Variants in AGBL2 observed in about 807,000 individuals in gnomAD.
AGBL2 encodes the protein AGBL carboxypeptidase 2, also known as cytosolic carboxypeptidase 2.
A neutral mutation model predicts 103.0 loss-of-function variants in AGBL2; 87 were observed. That is an observed-to-expected ratio of 0.84 (90% CI 0.71 to 1.01). The LOEUF is 1.01. Ranked by LOEUF, AGBL2 falls within the 50% of genes least tolerant of loss-of-function variation. AGBL2 has a pLI of 0.00. For missense variants in AGBL2, 904 were observed against 1,023.5 expected (o/e 0.88, Z 1.59); for synonymous variants, 335 against 356.7 (o/e 0.94, Z 0.69).
intron 14 of AGBL2, 125 bp from the exon 15 acceptor site, chr11:47,669,032 T>C (rs189193718): frequency 9.2e-6 from 6 of 652,066 alleles, no homozygotes; most frequent in African/African-American, 7.3e-5. Context: ...ATTTCTCTCA[T>C]TGTCTATGCT....
chr11:47,697,121 G>A (rs1428713287), intron 8 of AGBL2, among the ~76,000 whole-genome samples: 1 of 151,986 alleles, frequency 6.6e-6, no homozygotes, highest in Non-Finnish European at 1.5e-5. Flanking sequence ...TAGAAACAGG[G>A]TTTCACCATG....
intron 12 of AGBL2, among the ~76,000 whole-genome samples, chr11:47,681,056 A>G (rs2097399399): frequency 6.6e-6 from 1 of 152,068 alleles, no homozygotes; most frequent in East Asian, 1.9e-4. Context: ...GAGGCTGGGC[A>G]TGGTGGTTCA....
intron 10 of AGBL2, among the ~76,000 whole-genome samples, chr11:47,689,633 A>G (rs1394701737): frequency 6.6e-6 from 1 of 152,090 alleles, no homozygotes; most frequent in Non-Finnish European, 1.5e-5. Flanking sequence ...ATCATACAAC[A>G]TGCGATATTG....
In AGBL2 at chr11:47,660,045, G is replaced by T; in HGVS notation, c.*128C>A. 1.0e-6 allele frequency: 1 copy of T among 993,624 alleles called. No individual in the cohort carries two copies. The highest frequency in any genetic ancestry group is 1.5e-6 in the Non-Finnish European group (1 of 685,452). 61.6% of individuals were successfully genotyped at this position (993,624 alleles called of 1,614,324 possible). ...AGTGTAAGTACAAAGTGTAAGGTCA[G>T]TGCATGAGTGCACAACACAGTATAC... On this transcript the variant is annotated 3_prime_UTR_variant, in exon 19 of 19. Coordinates refer to ENST00000525123, the MANE Select transcript of AGBL2 (RefSeq NM_024783.4).
At chr11:47,691,729 A>AAAAAAAAAATATAT in intron 9 of AGBL2, among the ~76,000 whole-genome samples, 8 of 4,854 alleles carry the variant, frequency 1.6e-3, no homozygotes, top group East Asian at 0.011. Context: ...AAAAAAAAAA[A>AAAAAAAAAATATAT]ATATATATAT....
intron 15 of AGBL2, 63 bp downstream of exon 15, chr11:47,668,778 G>C: frequency 1.6e-6 from 2 of 1,277,076 alleles, no homozygotes; most frequent in South Asian, 1.2e-5. Context: ...CCAACAAATT[G>C]TCTGGTAGTG....
intron 3 of AGBL2, among the ~76,000 whole-genome samples, chr11:47,713,344 C>CAA (rs71045506): frequency 1.3e-4 from 7 of 55,618 alleles, no homozygotes; most frequent in African/African-American, 2.0e-4. Context: ...GACTCTATCG[C>CAA]AAAAAAAAAA....
intron 11 of AGBL2, among the ~76,000 whole-genome samples, chr11:47,682,438 G>A (rs1166888881): frequency 3.9e-5 from 6 of 152,070 alleles, no homozygotes; most frequent in Non-Finnish European, 8.8e-5. Context: ...CTTCCTTCCT[G>A]TTGTCCCCAC....
intron 8 of AGBL2, among the ~76,000 whole-genome samples, chr11:47,692,867 G>A (rs1159325481): frequency 6.6e-6 from 1 of 151,994 alleles, no homozygotes; most frequent in African/African-American, 2.4e-5. Flanking sequence ...ACCCAGGCTG[G>A]AATGCAGCAG....
intron 7 of AGBL2, among the ~76,000 whole-genome samples, chr11:47,700,608 A>C (rs868580867): frequency 6.1e-4 from 91 of 150,250 alleles, no homozygotes; most frequent in Admixed American, 9.8e-4. Context: ...ACAAACCAAC[A>C]AACAAACAAA....
chr11:47,664,955 C>T (rs1215709233), intron 17 of AGBL2, among the ~76,000 whole-genome samples: 3 of 151,092 alleles, frequency 2.0e-5, no homozygotes, highest in Non-Finnish European at 4.4e-5. Context: ...GATCACAGCT[C>T]ACTGTAGCCT....
At chr11:47,711,458 G>A (rs543175777) in intron 3 of AGBL2, among the ~76,000 whole-genome samples, 2 of 152,280 alleles carry the variant, frequency 1.3e-5, no homozygotes, top group South Asian at 4.1e-4. Flanking sequence ...TTTGTCCCAG[G>A]ACATGGTTTT....
At chr11:47,698,043 G>A (rs539322420) in intron 8 of AGBL2, among the ~76,000 whole-genome samples, 63 of 151,406 alleles carry the variant, frequency 4.2e-4, no homozygotes, top group Non-Finnish European at 3.8e-4. Flanking sequence ...CTGTGTTTTA[G>A]TAGAGACAGA....
chr11:47,692,631 C>G (rs2097452462), intron 8 of AGBL2, among the ~76,000 whole-genome samples: 1 of 151,622 alleles, frequency 6.6e-6, no homozygotes, highest in Non-Finnish European at 1.5e-5. Context: ...CCAGGATGGT[C>G]TCGATCTCCT....
intron 8 of AGBL2, among the ~76,000 whole-genome samples, chr11:47,696,037 G>GAAAAAAAAAAAAAAGA (rs71045503): frequency 1.1e-5 from 1 of 88,906 alleles, no homozygotes. Context: ...AAAAAAAAAA[G>GAAAAAAAAAAAAAAGA]AAAAAAAAAA....
chr11:47,694,811 C>T (rs2097460838), intron 8 of AGBL2, among the ~76,000 whole-genome samples: 1 of 152,204 alleles, frequency 6.6e-6, no homozygotes, highest in Non-Finnish European at 1.5e-5. Context: ...TCCTCATGAC[C>T]TCTGCTAGGC....
intron 11 of AGBL2, among the ~76,000 whole-genome samples, chr11:47,684,634 C>A (rs2097416942): frequency 6.6e-6 from 1 of 151,888 alleles, no homozygotes. Flanking sequence ...CTACTTTCTT[C>A]TTCTGAAAGC....
At chr11:47,663,870 T>C (rs1254933995) in intron 17 of AGBL2, among the ~76,000 whole-genome samples, 1 of 148,528 alleles carries the variant, frequency 6.7e-6, no homozygotes, top group Non-Finnish European at 1.5e-5. Context: ...GTACTCTTTT[T>C]TTCTGAGACA....
intron 3 of AGBL2, among the ~76,000 whole-genome samples, chr11:47,712,433 T>C (rs563431493): frequency 6.6e-6 from 1 of 152,340 alleles, no homozygotes; most frequent in South Asian, 2.1e-4. Context: ...ATATTTATAA[T>C]AGCATAAAAA....
Sources: gnomAD v4.1 joint callset for allele counts (sites outside exome capture counted in the v4.1 genomes callset) on GRCh38, gnomAD v4.1.1 for gene constraint, MANE v1.5 for transcripts, NCBI Gene and HGNC (gene_info 2026-07-23, HGNC 2026-07-21) for gene names.